Variants in INPP4B observed in about 807,000 individuals in gnomAD.
INPP4B encodes inositol polyphosphate-4-phosphatase type II B.
INPP4B carries 55 observed loss-of-function variants against 122.5 expected under a neutral mutation model. The ratio of observed to expected loss-of-function variants is 0.45; its 90% CI spans 0.36 to 0.56. The LOEUF (loss-of-function observed/expected upper bound fraction) is 0.56. INPP4B is among the 20% of genes least tolerant of loss of function. INPP4B has a pLI of 0.00. For missense variants in INPP4B, 1,000 were observed against 1,097.7 expected (o/e 0.91, Z 1.26); for synonymous variants, 403 against 388.7 (o/e 1.04, Z -0.43).
chr4:142,491,483 G>A (rs771518703), intron 2 of INPP4B, among the ~76,000 whole-genome samples: 17 of 151,978 alleles, frequency 1.1e-4, no homozygotes, highest in Admixed American at 5.2e-4. Context: ...GTGAAATCCC[G>A]TCTCTATTAA....
chr4:142,094,830 A>G (rs1781150759), intron 23 of INPP4B, among the ~76,000 whole-genome samples: 1 of 152,210 alleles, frequency 6.6e-6, no homozygotes, highest in Non-Finnish European at 1.5e-5. Context: ...TTCTTACTAT[A>G]TAGAATAAGT....
intron 2 of INPP4B, among the ~76,000 whole-genome samples, chr4:142,485,933 G>T (rs1048701667): frequency 2.0e-5 from 3 of 152,032 alleles, no homozygotes; most frequent in Non-Finnish European, 2.9e-5. Flanking sequence ...AGCCTTCTGT[G>T]CAATTAGGTG....
chr4:142,305,575 G>C (rs761437608), intron 8 of INPP4B, 38 bp from the exon 9 acceptor site: 1 of 1,581,638 alleles, frequency 6.3e-7, no homozygotes, highest in African/African-American at 1.4e-5. Flanking sequence ...TTAACTTGAG[G>C]TTCTTTAATA....
chr4:142,419,941 T>C (rs1001123186), intron 5 of INPP4B, among the ~76,000 whole-genome samples: 7 of 152,020 alleles, frequency 4.6e-5, no homozygotes, highest in African/African-American at 1.4e-4. Context: ...TAGTCCTGAT[T>C]CCTCAATTAC....
chr4:142,416,280 C>T (rs1177140299), intron 5 of INPP4B, among the ~76,000 whole-genome samples: 2 of 152,012 alleles, frequency 1.3e-5, no homozygotes, highest in Non-Finnish European at 2.9e-5. Flanking sequence ...GGTAGCAAGC[C>T]GACAGGGAGG....
intron 1 of INPP4B, among the ~76,000 whole-genome samples, chr4:142,736,935 T>G (rs888049411): frequency 6.6e-6 from 1 of 152,064 alleles, no homozygotes. Context: ...GGCTGTGGGT[T>G]TGTCATAGAT....
At chr4:142,662,895 A>G (rs916762509) in intron 2 of INPP4B, among the ~76,000 whole-genome samples, 1 of 152,214 alleles carries the variant, frequency 6.6e-6, no homozygotes, top group African/African-American at 2.4e-5. Flanking sequence ...AGAAATAGTT[A>G]TAATCTTAAA....
At chr4:142,173,939 G>T in intron 15 of INPP4B, 130 bp from the exon 16 acceptor site, 1 of 741,586 alleles carries the variant, frequency 1.3e-6, no homozygotes, top group African/African-American at 1.8e-5. Context: ...TGTCCTAAGA[G>T]ATTTTTAATG....
chr4:142,764,827 C>T (rs1025507418), intron 1 of INPP4B, among the ~76,000 whole-genome samples: 4 of 151,692 alleles, frequency 2.6e-5, no homozygotes, highest in Non-Finnish European at 4.4e-5. Flanking sequence ...TGCTAGAACA[C>T]GGAGGTTAAG....
At chr4:142,780,014 C>G (rs1203253235) in intron 1 of INPP4B, among the ~76,000 whole-genome samples, 1 of 152,038 alleles carries the variant, frequency 6.6e-6, no homozygotes, top group Non-Finnish European at 1.5e-5. Flanking sequence ...GTGTCCAAAT[C>G]GCAGTGCACT....
At chr4:142,814,274 G>T (rs1230676367) in intron 1 of INPP4B, among the ~76,000 whole-genome samples, 1 of 152,104 alleles carries the variant, frequency 6.6e-6, no homozygotes, top group Non-Finnish European at 1.5e-5. Context: ...GCAGGCAATG[G>T]GGAGAATGTT....
At chr4:142,310,249 G>A (rs1279511986) in intron 8 of INPP4B, among the ~76,000 whole-genome samples, 1 of 151,890 alleles carries the variant, frequency 6.6e-6, no homozygotes, top group African/African-American at 2.4e-5. Flanking sequence ...ACTCCAAGTT[G>A]AGATGTACAC....
chr4:142,500,019 A>C (rs998206566), intron 2 of INPP4B, among the ~76,000 whole-genome samples: 1 of 152,118 alleles, frequency 6.6e-6, no homozygotes, highest in African/African-American at 2.4e-5. Context: ...GAGGATTCTA[A>C]AAGTACACCA....
chr4:142,289,319 CTT>C (rs1412633568), intron 9 of INPP4B, among the ~76,000 whole-genome samples: 1 of 152,192 alleles, frequency 6.6e-6, no homozygotes, highest in Non-Finnish European at 1.5e-5. Flanking sequence ...TTCTTACAAA[CTT>C]AACTCATCTA....
intron 1 of INPP4B, among the ~76,000 whole-genome samples, chr4:142,752,527 A>T (rs559671218): frequency 6.6e-6 from 1 of 152,108 alleles, no homozygotes; most frequent in South Asian, 2.1e-4. Flanking sequence ...CTGGAGGAGA[A>T]GAGGGAAGCT....
chr4:142,803,031 A>G (rs1275127393), intron 1 of INPP4B, among the ~76,000 whole-genome samples: 1 of 151,848 alleles, frequency 6.6e-6, no homozygotes, highest in Non-Finnish European at 1.5e-5. Flanking sequence ...TTAGCCAGGC[A>G]TGGTGGTGAG....
At chr4:142,234,536 A>C (rs1258411694) in intron 12 of INPP4B, among the ~76,000 whole-genome samples, 7 of 152,130 alleles carry the variant, frequency 4.6e-5, no homozygotes, top group Non-Finnish European at 1.0e-4. Flanking sequence ...TTGAGTCTCC[A>C]GGAAGAATTT....
At chr4:142,782,059 G>T (rs933971255) in intron 1 of INPP4B, among the ~76,000 whole-genome samples, 7 of 151,762 alleles carry the variant, frequency 4.6e-5, no homozygotes, top group African/African-American at 1.4e-4. Flanking sequence ...GTATACATGT[G>T]CCATGCTGGT....
intron 2 of INPP4B, among the ~76,000 whole-genome samples, chr4:142,510,526 A>G (rs1824578683): frequency 6.6e-6 from 1 of 152,232 alleles, no homozygotes; most frequent in Admixed American, 6.5e-5. Context: ...TCTTTTGCAC[A>G]TAGCTTGAAA....
Sources: allele counts gnomAD v4.1 joint callset (sites outside exome capture counted in the v4.1 genomes callset), GRCh38; gene constraint gnomAD v4.1.1; transcripts MANE v1.5; gene names NCBI Gene and HGNC (gene_info 2026-07-23, HGNC 2026-07-21).